The following CEMIP variants were observed in gnomAD, a reference collection of about 807,000 sequenced individuals.
CEMIP encodes the protein cell migration-inducing and hyaluronan-binding protein.
CEMIP carries 105 observed loss-of-function variants against 156.9 expected under a neutral mutation model. The observed-to-expected ratio is 0.67, with a 90% CI of 0.57 to 0.79. CEMIP has a LOEUF of 0.79. Ranked by LOEUF, CEMIP falls within the 30% of genes least tolerant of loss-of-function variation. The pLI, the probability that CEMIP is intolerant of heterozygous loss-of-function variation, is 0.00. For synonymous variants in CEMIP, 676 were observed against 668.4 expected (o/e 1.01, Z -0.17); for missense variants, 1,457 against 1,769.4 (o/e 0.82, Z 3.17).
chr15:80,920,434 C>A, intron 15 of CEMIP, 135 bp downstream of exon 15: 1 of 737,880 alleles, frequency 1.4e-6, no homozygotes, highest in Non-Finnish European at 2.2e-6. Flanking sequence ...CAGCCCTTAA[C>A]CACCTACGGC....
At chr15:80,836,003 T>C (rs544841265) in intron 1 of CEMIP, among the ~76,000 whole-genome samples, 1 of 131,008 alleles carries the variant, frequency 7.6e-6, no homozygotes, top group East Asian at 2.4e-4. Flanking sequence ...AAATAGGTCA[T>C]GTGTAACTTG....
At chr15:80,823,341 G>A (rs1046403576) in intron 1 of CEMIP, among the ~76,000 whole-genome samples, 7 of 152,228 alleles carry the variant, frequency 4.6e-5, no homozygotes, top group African/African-American at 1.4e-4. Flanking sequence ...CAGGAGCAAA[G>A]TGTGTACCCA....
At chr15:80,853,576 G>T (rs1290035063) in intron 1 of CEMIP, among the ~76,000 whole-genome samples, 1 of 152,160 alleles carries the variant, frequency 6.6e-6, no homozygotes, top group East Asian at 1.9e-4. Flanking sequence ...GCCCTAAGAA[G>T]GGAATTGACC....
chr15:80,896,509 G>A (rs1899229916), intron 12 of CEMIP: 1 of 359,374 alleles, frequency 2.8e-6, no homozygotes, highest in South Asian at 2.1e-5. Context: ...GTTTGAGGGG[G>A]AGGAAGTGAA....
chr15:80,782,492 C>T (rs1271061658), intron 1 of CEMIP, among the ~76,000 whole-genome samples: 1 of 152,182 alleles, frequency 6.6e-6, no homozygotes, highest in Non-Finnish European at 1.5e-5. Context: ...TCCCTTCCAG[C>T]TCTGCATTTC....
intron 1 of CEMIP, among the ~76,000 whole-genome samples, chr15:80,856,350 C>T (rs543484712): frequency 5.3e-5 from 8 of 152,258 alleles, no homozygotes; most frequent in Admixed American, 2.0e-4. Context: ...GAAATGTGGA[C>T]GGTGGTGTCT....
Position 80,881,028 on chromosome 15 carries a change from C to A in CEMIP, c.509C>A (p.Pro170Gln). The change falls in exon 6 of 30, where the codon CCA (proline) becomes CAA (glutamine). Residue 170 changes from proline (P) to glutamine (Q), a missense_variant. Pro to Gln is a moderately conservative substitution (Grantham distance 76). This residue lies in a region of CEMIP where 309 missense variants were observed against 340.8 expected (regional missense o/e 0.91). Transcript: ENST00000394685. ...SWTFLNKTLH[P>Q]GGMAEGGYFF... is the part of the protein sequence containing the mutation. ...ACATTTCTGAACAAGACCCTTCACC[C>A]AGGTGGCATGGCAGAAGGAGGCTAT... 1 of 1,614,212 alleles carries A rather than the reference C, an allele frequency of 6.2e-7. No homozygotes were observed. The highest frequency in any genetic ancestry group is 8.5e-7 in the Non-Finnish European group (1 of 1,180,042).
chr15:80,920,500 C>G (rs1400236048), intron 15 of CEMIP, among the ~76,000 whole-genome samples: 1 of 152,226 alleles, frequency 6.6e-6, no homozygotes, highest in Non-Finnish European at 1.5e-5. Flanking sequence ...TCTCCCTTCT[C>G]AGTTTGCCTC....
chr15:80,905,450 A>G (rs942168614), intron 12 of CEMIP, among the ~76,000 whole-genome samples: 5 of 152,208 alleles, frequency 3.3e-5, no homozygotes, highest in African/African-American at 1.2e-4. Flanking sequence ...AATCAAAGGC[A>G]GTTCTAAAGT....
intron 19 of CEMIP, 26 bp downstream of exon 19, chr15:80,925,781 G>A (rs760412624): frequency 6.8e-6 from 11 of 1,607,432 alleles, no homozygotes; most frequent in Non-Finnish European, 9.3e-6. Flanking sequence ...GTGTGGCTTT[G>A]GCACAAAGGG....
At chr15:80,792,801 T>G (rs1720701004) in intron 1 of CEMIP, among the ~76,000 whole-genome samples, 1 of 152,108 alleles carries the variant, frequency 6.6e-6, no homozygotes, top group Admixed American at 6.6e-5. Flanking sequence ...AGAGATTGTG[T>G]CTCCTCGGTG....
At chr15:80,845,191 G>A (rs1897524372) in intron 1 of CEMIP, among the ~76,000 whole-genome samples, 1 of 152,134 alleles carries the variant, frequency 6.6e-6, no homozygotes. Context: ...TGGCACTTTG[G>A]GAGCCAAGGC....
intron 1 of CEMIP, among the ~76,000 whole-genome samples, chr15:80,867,490 G>A (rs550850700): frequency 6.6e-6 from 1 of 152,320 alleles, no homozygotes; most frequent in Non-Finnish European, 1.5e-5. Context: ...CATGTTTCTT[G>A]CAGCATCCTG....
chr15:80,863,763 A>C (rs937920294), intron 1 of CEMIP, among the ~76,000 whole-genome samples: 9 of 152,114 alleles, frequency 5.9e-5, no homozygotes, highest in African/African-American at 2.2e-4. Context: ...CTAAGAATAG[A>C]TCTGCTCCCT....
chr15:80,816,679 C>T (rs1334786350), intron 1 of CEMIP, among the ~76,000 whole-genome samples: 2 of 152,184 alleles, frequency 1.3e-5, no homozygotes, highest in East Asian at 1.9e-4. Context: ...TGGATTGAAA[C>T]TCTTCTCGTA....
chr15:80,833,053 A>T (rs1439975760), intron 1 of CEMIP, among the ~76,000 whole-genome samples: 1 of 151,662 alleles, frequency 6.6e-6, no homozygotes, highest in Non-Finnish European at 1.5e-5. Context: ...TTTCTAAACG[A>T]CTCTTGGAAG....
In CEMIP at chr15:80,936,824, A is replaced by G. The variant is rs779979064; in HGVS notation, c.3160A>G (p.Thr1054Ala). Residue 1054 changes from threonine (T) to alanine (A), a missense_variant, in exon 24 of 30, where the codon ACC (threonine) becomes GCC (alanine). Thr to Ala is a moderately conservative substitution (Grantham distance 58). Transcript: ENST00000394685. ...GGTTGTCACCCTGCAGAAGGGCTAC[A>G]CCATCCACTGGGACCAGACGGCCCC... The part of the protein sequence containing the change: ...QPVVTLQKGY[T>A]IHWDQTAPAE... 6.2e-7 allele frequency: 1 copy of G among 1,612,674 alleles called. No homozygotes were observed. Among genetic ancestry groups the G allele is most frequent in the Admixed American group, 1.7e-5 (1 of 60,004 alleles).
At chr15:80,928,691 G>C (rs1900787927) in intron 19 of CEMIP, among the ~76,000 whole-genome samples, 2 of 152,154 alleles carry the variant, frequency 1.3e-5, no homozygotes, top group South Asian at 2.1e-4. Context: ...TTTCTCTCTA[G>C]AGTCAGAGTG....
rs1899479492 is a variant in CEMIP at position 80,900,650 on chromosome 15, C to CTGTGTGTGTGTCTG, written c.1411+4602_1411+4615dup. ...TGTGTGTGTGTGTGTGTGTGTGTGTCTGTGTGTGTGTCTGTGTGTGTGTGT... is the reference window on the plus strand; with the variant it reads ...TGTGTGTGTGTGTGTGTGTGTGTGTCTGTGTGTGTGTCTGTGTGTGTGTGTCTGTGTGTGTGTGT... On this transcript the variant is annotated intron_variant, in intron 12 of 29. Transcript: ENST00000394685. Among the ~76,000 whole-genome samples, 9 of 84,618 alleles carry CTGTGTGTGTGTCTG rather than the reference C, an allele frequency of 1.1e-4. No homozygotes were observed. In the East Asian group the frequency reaches 2.7e-3, roughly 26 times the overall value. The allele number at this position is 84,618 out of a possible 152,430, so 55.5% of individuals were successfully genotyped here.
Sources: allele counts gnomAD v4.1 joint callset (sites outside exome capture counted in the v4.1 genomes callset), GRCh38; gene constraint gnomAD v4.1.1; regional missense constraint gnomAD v4.1.1; transcripts MANE v1.5; gene names NCBI Gene and HGNC (gene_info 2026-07-23, HGNC 2026-07-21).